GRAMD2A: variants seen among roughly 807,000 people sequenced by gnomAD.
GRAMD2A encodes GRAM domain-containing protein 2A.
Under a neutral mutation model 51.1 loss-of-function variants are expected in GRAMD2A, and 37 were observed. The ratio of observed to expected loss-of-function variants is 0.72; its 90% CI spans 0.56 to 0.95. The LOEUF is 0.95. Ranked by LOEUF, GRAMD2A falls within the 40% of genes least tolerant of loss-of-function variation. The pLI is 0.00. For missense variants in GRAMD2A, 414 were observed against 426.9 expected (o/e 0.97, Z 0.27); for synonymous variants, 136 against 157.1 (o/e 0.87, Z 1.01).
chr15:72,191,437 A>C (rs946284882), intron 1 of GRAMD2A, among the ~76,000 whole-genome samples: 12 of 152,172 alleles, frequency 7.9e-5, no homozygotes, highest in African/African-American at 2.9e-4. Context: ...TCCTGACCTC[A>C]GGTGATCCGC....
At chr15:72,188,121 G>A (rs965363637) in intron 1 of GRAMD2A, among the ~76,000 whole-genome samples, 13 of 152,078 alleles carry the variant, frequency 8.5e-5, no homozygotes, top group Non-Finnish European at 1.0e-4. Flanking sequence ...GGCAGATCAC[G>A]AGGTTAGGAG....
intron 1 of GRAMD2A, among the ~76,000 whole-genome samples, chr15:72,192,582 G>A (rs1373147805): frequency 8.5e-5 from 13 of 152,270 alleles, no homozygotes; most frequent in Non-Finnish European, 8.8e-5. Flanking sequence ...TACTGCCCAC[G>A]CTGCTGTGCG....
intron 1 of GRAMD2A, among the ~76,000 whole-genome samples, chr15:72,174,687 C>T (rs528691190): frequency 1.3e-5 from 2 of 152,286 alleles, no homozygotes; most frequent in South Asian, 2.1e-4. Flanking sequence ...TCTGCCTGCT[C>T]TCCAGCCCCA....
At chr15:72,171,560 A>C (rs1231175293) in intron 1 of GRAMD2A, among the ~76,000 whole-genome samples, 1 of 152,226 alleles carries the variant, frequency 6.6e-6, no homozygotes, top group Non-Finnish European at 1.5e-5. Context: ...ATGCTGTTCC[A>C]GTTAACCCAG....
At chr15:72,168,267 C>T (rs2081570300) in intron 4 of GRAMD2A, among the ~76,000 whole-genome samples, 1 of 152,240 alleles carries the variant, frequency 6.6e-6, no homozygotes, top group Admixed American at 6.5e-5. Context: ...CACAAGATTC[C>T]AAAGCCCTGA....
At chr15:72,192,594 T>C (rs915859977) in intron 1 of GRAMD2A, among the ~76,000 whole-genome samples, 2 of 152,138 alleles carry the variant, frequency 1.3e-5, no homozygotes, top group South Asian at 2.1e-4. Flanking sequence ...TGCTGTGCGG[T>C]GGGTAAGGCA....
At chr15:72,194,744 G>C (rs1386233353) in intron 1 of GRAMD2A, among the ~76,000 whole-genome samples, 1 of 152,040 alleles carries the variant, frequency 6.6e-6, no homozygotes, top group Non-Finnish European at 1.5e-5. Flanking sequence ...CTGGAATGCA[G>C]TTGCGTGATC....
rs1040969186 is a variant in GRAMD2A, at chr15:72,170,613, G to T, written c.42-674C>A. On this transcript the variant is annotated intron_variant, in intron 1 of 11. Coordinates refer to ENST00000309731, the MANE Select transcript of GRAMD2A (RefSeq NM_001012642.3). The surrounding 1 kb of genome is among the most constrained non-coding windows in gnomAD (Gnocchi z 4.5). ...GGAACAGATCCTCTCTCCCTGGGCA[G>T]GTCGGGCTCTCCAATGGCCTTTGAG... Among the ~76,000 whole-genome samples the T allele has an allele frequency of 6.6e-6, 1 of 152,306 alleles. No homozygotes were observed. The highest frequency in any genetic ancestry group is 1.9e-4 in the East Asian group (1 of 5,172).
At chr15:72,177,172 T>TC in intron 1 of GRAMD2A, among the ~76,000 whole-genome samples, 1 of 145,184 alleles carries the variant, frequency 6.9e-6, no homozygotes, top group East Asian at 2.0e-4. Context: ...TGCAGTCCTT[T>TC]AAAAAAAAAA....
chr15:72,170,593 A>G lies in GRAMD2A; in HGVS notation c.42-654T>C, dbSNP rs1006820886. ...CCTGAGGGAGAGCGTAGGAGGGAAC[A>G]GATCCTCTCTCCCTGGGCAGGTCGG... is the stretch of plus-strand genomic sequence containing the variant. On this transcript the variant is annotated intron_variant, in intron 1 of 11. Coordinates refer to ENST00000309731, the MANE Select transcript of GRAMD2A (RefSeq NM_001012642.3). The surrounding 1 kb of genome is among the most constrained non-coding windows in gnomAD (Gnocchi z 4.5). Among the ~76,000 whole-genome samples the G allele has an allele frequency of 6.6e-6, 1 of 152,186 alleles. No homozygotes were observed. The highest frequency in any genetic ancestry group is 1.5e-5 in the Non-Finnish European group (1 of 68,030).
chr15:72,171,890 C>T (rs886239468), intron 1 of GRAMD2A, among the ~76,000 whole-genome samples: 5 of 150,054 alleles, frequency 3.3e-5, no homozygotes, highest in African/African-American at 1.2e-4. Context: ...AGTCCAGTGG[C>T]GTGATCTTGG....
chr15:72,165,062 C>G (rs1656439103), intron 8 of GRAMD2A, among the ~76,000 whole-genome samples: 1 of 152,212 alleles, frequency 6.6e-6, no homozygotes, highest in African/African-American at 2.4e-5. Flanking sequence ...TCACTTGAAC[C>G]CAGCAGGTGG....
chr15:72,167,010 G>C lies in GRAMD2A; in HGVS notation c.455C>G (p.Thr152Ser). 1 of 1,613,764 alleles carries C rather than the reference G, an allele frequency of 6.2e-7. No homozygotes were observed. The highest frequency in any genetic ancestry group is 1.1e-5 in the South Asian group (1 of 91,074). ...RLLPNGLAITTNTSQKYIFVS... is the reference protein window; with the variant it reads ...RLLPNGLAITSNTSQKYIFVS... Reference sequence around the variant, plus strand: ...TGCACTGACCTTCTGGCTGGTGTTGGTGGTGATGGCCAGTCCATTGGGAAG... The same window carrying C: ...TGCACTGACCTTCTGGCTGGTGTTGCTGGTGATGGCCAGTCCATTGGGAAG... The change falls in exon 6 of 12, where the codon ACC (threonine) becomes AGC (serine). Residue 152 changes from threonine to serine, a missense_variant. Coordinates refer to ENST00000309731, the MANE Select transcript of GRAMD2A (RefSeq NM_001012642.3).
chr15:72,164,886 C>G (rs1198315328), intron 8 of GRAMD2A, among the ~76,000 whole-genome samples: 4 of 152,288 alleles, frequency 2.6e-5, no homozygotes, highest in Non-Finnish European at 2.9e-5. Context: ...CGCCTATAAT[C>G]CCAGCACTTT....
At chr15:72,165,506 C>T in intron 7 of GRAMD2A, 96 bp from the exon 8 acceptor site, 1 of 1,209,888 alleles carries the variant, frequency 8.3e-7, no homozygotes, top group Non-Finnish European at 1.2e-6. Flanking sequence ...GCTTTACCTC[C>T]AAATAAGCCA....
intron 11 of GRAMD2A, 46 bp from the exon 12 acceptor site, chr15:72,162,058 C>A: frequency 6.2e-7 from 1 of 1,613,160 alleles, no homozygotes; most frequent in African/African-American, 1.3e-5. Flanking sequence ...GCCCAGAATG[C>A]AGACGGACGT....
At position 72,161,883 on chromosome 15, in the gene GRAMD2A, T is replaced by C. The variant is rs1596672020; in HGVS notation, c.*126A>G. 2.1e-6 allele frequency: 2 copies of C among 941,986 alleles called. No homozygotes were observed. Among genetic ancestry groups the C allele is most frequent in the African/African-American group, 1.6e-5 (1 of 62,192 alleles). 58.4% of individuals were successfully genotyped at this position (941,986 alleles called of 1,614,324 possible). A position where few individuals can be genotyped will look rare whatever the true frequency, so the allele number is the denominator to read the frequency against. On this transcript the variant is annotated 3_prime_UTR_variant, in exon 12 of 12. Transcript: ENST00000309731. The stretch of plus-strand genomic sequence containing the variant: ...AGAGCTGCGGGGAGGAGGAGGGATC[T>C]GGAATATTTTCCTTCATAGGCAGTC...
chr15:72,169,351 G>A, intron 2 of GRAMD2A: 1 of 457,318 alleles, frequency 2.2e-6, no homozygotes, highest in South Asian at 1.9e-5. Flanking sequence ...GGGGTAAGCA[G>A]GGGAGCAGGC....
chr15:72,167,899 C>G (rs2081566081), intron 4 of GRAMD2A, 60 bp from the exon 5 acceptor site: 3 of 1,222,344 alleles, frequency 2.5e-6, no homozygotes, highest in Non-Finnish European at 3.6e-6. Context: ...AGCCCCAGGA[C>G]CTGGGTCCTC....
Sources: gnomAD v4.1 joint callset for allele counts (sites outside exome capture counted in the v4.1 genomes callset) on GRCh38, gnomAD v4.1.1 for gene constraint, Gnocchi (gnomAD v3.1) non-coding constraint, MANE v1.5 for transcripts, NCBI Gene and HGNC (gene_info 2026-07-23, HGNC 2026-07-21) for gene names.